BTBD9: variants seen among roughly 807,000 people sequenced by gnomAD.
BTBD9 encodes the protein BTB/POZ domain-containing protein 9.
In BTBD9, 49 loss-of-function variants were observed where a neutral mutation model predicts 64.3. The observed-to-expected ratio is 0.76, with a 90% CI of 0.61 to 0.97. The LOEUF is 0.97. Ranked by LOEUF, BTBD9 falls within the 50% of genes least tolerant of loss-of-function variation. The pLI, the probability that BTBD9 is intolerant of heterozygous loss-of-function variation, is 0.00. For missense variants in BTBD9, 598 were observed against 762.1 expected, an observed-to-expected ratio of 0.78 and a Z score of 2.53; for synonymous variants, 260 against 274.7, an observed-to-expected ratio of 0.95 and a Z score of 0.53.
chr6:38,429,006 GC>G (rs1768314848), intron 6 of BTBD9, among the ~76,000 whole-genome samples: 1 of 151,542 alleles, frequency 6.6e-6, no homozygotes, highest in Admixed American at 6.6e-5. Context: ...ACTGCGCCCG[GC>G]CCCAGAATGA....
intron 9 of BTBD9, among the ~76,000 whole-genome samples, chr6:38,221,677 AAT>A (rs1274627891): frequency 1.3e-5 from 2 of 152,240 alleles, no homozygotes; most frequent in Non-Finnish European, 2.9e-5. Flanking sequence ...CCCTCTGAAG[AAT>A]AAGCAATGCT....
intron 10 of BTBD9, among the ~76,000 whole-genome samples, chr6:38,188,034 A>G (rs1761893438): frequency 1.3e-5 from 2 of 152,244 alleles, no homozygotes; most frequent in Admixed American, 6.5e-5. Flanking sequence ...GGATGCAGGA[A>G]GACCTGGCCG....
chr6:38,556,228 T>C lies in BTBD9; in HGVS notation c.1154+21372A>G, dbSNP rs376599930. Among the ~76,000 whole-genome samples the C allele has an allele frequency of 3.0e-4, 45 of 152,306 alleles. 1 individual carries two copies. The South Asian group carries it at 9.1e-3, about 31-fold the overall frequency. On this transcript the variant is annotated intron_variant, in intron 6 of 10. Coordinates refer to ENST00000481247, the MANE Select transcript of BTBD9 (RefSeq NM_001099272.2). The stretch of plus-strand genomic sequence containing the variant: ...TAACATTCTACATTTTAATGTTTCC[T>C]GTCTGCATGGCCTATCATCATAGTA...
At chr6:38,383,078 G>T (rs928925525) in intron 6 of BTBD9, among the ~76,000 whole-genome samples, 1 of 152,074 alleles carries the variant, frequency 6.6e-6, no homozygotes, top group Non-Finnish European at 1.5e-5. Flanking sequence ...ACAAGCACAA[G>T]AAAATTCTAG....
chr6:38,529,362 C>T (rs1217474781), intron 6 of BTBD9, among the ~76,000 whole-genome samples: 1 of 152,164 alleles, frequency 6.6e-6, no homozygotes, highest in Non-Finnish European at 1.5e-5. Context: ...TATGAGTCTG[C>T]AAGACCCACA....
At chr6:38,592,060 G>A (rs1374495453) in intron 4 of BTBD9, among the ~76,000 whole-genome samples, 1 of 151,894 alleles carries the variant, frequency 6.6e-6, no homozygotes, top group South Asian at 2.1e-4. Context: ...GCGGGTGGCT[G>A]TAATCCCAGC....
chr6:38,219,185 AGT>A lies in BTBD9; in HGVS notation c.1563-26590_1563-26589del, dbSNP rs1491110481. 2.4e-5 allele frequency among the ~76,000 whole-genome samples: 3 copies of A among 124,536 alleles called. No individual in the cohort carries two copies. In the Admixed American group the frequency reaches 3.0e-4, roughly 13 times the overall value. 81.7% of individuals were successfully genotyped at this position (124,536 alleles called of 152,430 possible). Reference sequence around the variant, plus strand: ...GAGTCTTGCTCTGTTGCCAGGCTGGAGTGTAGTAGCACAAGCTTGGCTCACTG... The same window carrying A: ...GAGTCTTGCTCTGTTGCCAGGCTGGAGTAGTAGCACAAGCTTGGCTCACTG... On this transcript the variant is annotated intron_variant, in intron 9 of 10. Transcript: ENST00000481247.
intron 6 of BTBD9, among the ~76,000 whole-genome samples, chr6:38,404,776 G>GA (rs1288524257): frequency 1.3e-5 from 2 of 152,174 alleles, no homozygotes; most frequent in Non-Finnish European, 2.9e-5. Context: ...GCCAGCAGAG[G>GA]ATAAAATTAG....
In BTBD9 at chr6:38,477,676, C is replaced by T. The variant is rs78110144; in HGVS notation, c.1154+99924G>A. ...ACCCTAGTGTTATCATAACTTAATGCTATCAGGGAATAGGAAAGAATCAAT... is the reference window on the plus strand; with the variant it reads ...ACCCTAGTGTTATCATAACTTAATGTTATCAGGGAATAGGAAAGAATCAAT... On this transcript the variant is annotated intron_variant, in intron 6 of 10. Coordinates refer to ENST00000481247, the MANE Select transcript of BTBD9 (RefSeq NM_001099272.2). Among the ~76,000 whole-genome samples the T allele has an allele frequency of 2.2e-3, 328 of 152,260 alleles. 3 individuals are homozygous for T. The highest frequency in any genetic ancestry group is 0.02 in the Middle Eastern group (6 of 294).
chr6:38,560,606 G>T lies in BTBD9; in HGVS notation c.1154+16994C>A, dbSNP rs138494398. Reference sequence around the variant, plus strand: ...TTTTAACTTTTAATTTAGGTTCAGGGATACATGTGCAGGTTTATTTATATA... The same window carrying T: ...TTTTAACTTTTAATTTAGGTTCAGGTATACATGTGCAGGTTTATTTATATA... On this transcript the variant is annotated intron_variant, in intron 6 of 10. Transcript: ENST00000481247. Among the ~76,000 whole-genome samples the T allele has an allele frequency of 1.8e-4, 28 of 151,962 alleles. No homozygotes were observed. The East Asian group carries it at 5.4e-3, about 29-fold the overall frequency.
intron 8 of BTBD9, among the ~76,000 whole-genome samples, chr6:38,260,978 C>T (rs768785969): frequency 6.6e-6 from 1 of 151,944 alleles, no homozygotes. Flanking sequence ...TGCTTTGTTG[C>T]CCAGGCTGCA....
At chr6:38,622,003 T>C (rs1777997579) in intron 1 of BTBD9, among the ~76,000 whole-genome samples, 1 of 152,102 alleles carries the variant, frequency 6.6e-6, no homozygotes, top group Admixed American at 6.5e-5. Flanking sequence ...TTAACGACAT[T>C]AGAGGGGAAG....
At chr6:38,393,141 G>A (rs1230413539) in intron 6 of BTBD9, among the ~76,000 whole-genome samples, 2 of 152,168 alleles carry the variant, frequency 1.3e-5, no homozygotes, top group African/African-American at 2.4e-5. Context: ...TGATCCGTCC[G>A]CCTTAGCCTC....
At chr6:38,288,104 A>C (rs1431337118) in intron 8 of BTBD9, among the ~76,000 whole-genome samples, 168 bp downstream of exon 8, 1 of 152,158 alleles carries the variant, frequency 6.6e-6, no homozygotes, top group Non-Finnish European at 1.5e-5. Flanking sequence ...CAAGCACGCT[A>C]TATCTCGTTG....
chr6:38,531,746 G>T (rs1562304854), intron 6 of BTBD9, among the ~76,000 whole-genome samples: 1 of 152,156 alleles, frequency 6.6e-6, no homozygotes, highest in African/African-American at 2.4e-5. Context: ...CTATGTTTGT[G>T]TATTAGTTTG....
At chr6:38,351,507 G>GTTTTTTT (rs70981542) in intron 6 of BTBD9, among the ~76,000 whole-genome samples, 66 of 102,696 alleles carry the variant, frequency 6.4e-4, no homozygotes, top group East Asian at 2.0e-3. Flanking sequence ...AATTGTTGTT[G>GTTTTTTT]TTTTTTTTTT....
intron 7 of BTBD9, among the ~76,000 whole-genome samples, chr6:38,300,359 A>G (rs1762342290): frequency 6.6e-6 from 1 of 152,096 alleles, no homozygotes; most frequent in African/African-American, 2.4e-5. Context: ...TTGGTTCCAT[A>G]TGAACTTTAA....
intron 6 of BTBD9, among the ~76,000 whole-genome samples, chr6:38,564,320 T>G (rs1472367500): frequency 6.6e-6 from 1 of 152,234 alleles, no homozygotes; most frequent in Non-Finnish European, 1.5e-5. Context: ...AACTCCCCAC[T>G]GTTAATTCTA....
intron 9 of BTBD9, among the ~76,000 whole-genome samples, chr6:38,252,406 A>G (rs1158622090): frequency 6.6e-6 from 1 of 152,206 alleles, no homozygotes; most frequent in Non-Finnish European, 1.5e-5. Context: ...CATATCTTCT[A>G]TATTTCTTAA....
Sources: gnomAD v4.1 joint callset for allele counts (sites outside exome capture counted in the v4.1 genomes callset) on GRCh38, gnomAD v4.1.1 for gene constraint, MANE v1.5 for transcripts, NCBI Gene and HGNC (gene_info 2026-07-23, HGNC 2026-07-21) for gene names.